The following SH3PXD2A variants were observed in gnomAD, a reference collection of about 807,000 sequenced individuals.
The protein encoded by SH3PXD2A is SH3 and PX domains 2A.
Under a neutral mutation model 115.2 loss-of-function variants are expected in SH3PXD2A, and 32 were observed. That is an observed-to-expected ratio of 0.28 (90% CI 0.21 to 0.37). The LOEUF is 0.37. SH3PXD2A is among the 10% of genes least tolerant of loss of function. SH3PXD2A has a pLI of 1.00. For synonymous variants in SH3PXD2A, 610 were observed against 629.1 expected, an observed-to-expected ratio of 0.97 and a Z score of 0.45; for missense variants, 1,328 against 1,498.7, an observed-to-expected ratio of 0.89 and a Z score of 1.88.
In SH3PXD2A at chr10:103,603,573, G is replaced by T. The variant is rs751523064; in HGVS notation, c.1645C>A (p.Arg549=). The change falls in exon 15 of 15, where the codon CGG becomes AGG. Residue 549 remains arginine (R), a synonymous_variant. Transcript: ENST00000369774. The stretch of plus-strand genomic sequence containing the variant: ...TCAGGCTCCTCATACTTGAGCTTCC[G>T]CGGGGAGTCCTGGCTCTCACTGGCC... The part of the protein sequence containing the change: ...TGASESQDSP[R]KLKYEEPEYD... The T allele has an allele frequency of 6.2e-7, 1 of 1,611,060 alleles. No homozygotes were observed. The highest frequency in any genetic ancestry group is 2.2e-5 in the East Asian group (1 of 44,864).
At chr10:103,703,169 C>T (rs1219890653) in intron 5 of SH3PXD2A, among the ~76,000 whole-genome samples, 2 of 152,160 alleles carry the variant, frequency 1.3e-5, no homozygotes, top group Admixed American at 6.5e-5. Flanking sequence ...AAAGAGGACT[C>T]GGAGGGCCCC....
chr10:103,712,011 G>A (rs2038052495), intron 5 of SH3PXD2A, among the ~76,000 whole-genome samples: 1 of 151,694 alleles, frequency 6.6e-6, no homozygotes, highest in African/African-American at 2.4e-5. Flanking sequence ...GTGCCACTGA[G>A]CTCCAGCCTG....
chr10:103,689,869 T>C (rs1182871756), intron 6 of SH3PXD2A, among the ~76,000 whole-genome samples: 1 of 152,148 alleles, frequency 6.6e-6, no homozygotes, highest in Non-Finnish European at 1.5e-5. Flanking sequence ...CTGAGAACTT[T>C]CTTCTTCTGT....
chr10:103,701,635 C>T (rs2037908005), intron 5 of SH3PXD2A, among the ~76,000 whole-genome samples: 1 of 151,008 alleles, frequency 6.6e-6, no homozygotes, highest in African/African-American at 2.4e-5. Context: ...ATCCACCATC[C>T]ATCCATCATC....
intron 5 of SH3PXD2A, among the ~76,000 whole-genome samples, chr10:103,718,218 T>C (rs1189864029): frequency 6.6e-6 from 1 of 152,034 alleles, no homozygotes; most frequent in African/African-American, 2.4e-5. Context: ...GGTCTCACTA[T>C]GTTGCTCAGG....
intron 3 of SH3PXD2A, among the ~76,000 whole-genome samples, chr10:103,763,748 C>T (rs2038724857): frequency 6.6e-6 from 1 of 152,216 alleles, no homozygotes; most frequent in Admixed American, 6.5e-5. Flanking sequence ...CAGATGCATG[C>T]CCCCGGCCAT....
chr10:103,720,284 G>A (rs1369172997), intron 5 of SH3PXD2A, among the ~76,000 whole-genome samples: 1 of 152,226 alleles, frequency 6.6e-6, no homozygotes, highest in Non-Finnish European at 1.5e-5. Flanking sequence ...CACCATGGCT[G>A]CTCTGTGCCA....
chr10:103,679,956 A>G (rs1032088577), intron 6 of SH3PXD2A, among the ~76,000 whole-genome samples: 1 of 152,150 alleles, frequency 6.6e-6, no homozygotes, highest in African/African-American at 2.4e-5. Flanking sequence ...AGAGATGGCC[A>G]GCTCTGCCTT....
chr10:103,732,885 C>T (rs111388163), intron 4 of SH3PXD2A, among the ~76,000 whole-genome samples: 8 of 152,274 alleles, frequency 5.3e-5, no homozygotes, highest in African/African-American at 9.6e-5. Flanking sequence ...TGGCTGGGGT[C>T]GGCCGGTGAT....
At chr10:103,785,017 C>G (rs1219112881) in intron 2 of SH3PXD2A, among the ~76,000 whole-genome samples, 1 of 152,208 alleles carries the variant, frequency 6.6e-6, no homozygotes, top group African/African-American at 2.4e-5. Flanking sequence ...TTAGCAGGTG[C>G]TCAACAAATG....
At chr10:103,608,301 A>G (rs4917397) in intron 13 of SH3PXD2A, among the ~76,000 whole-genome samples, 1 of 149,948 alleles carries the variant, frequency 6.7e-6, no homozygotes, top group East Asian at 2.0e-4. Context: ...CCAGGGAACG[A>G]GGCCCTGTCG....
chr10:103,668,756 TCGGCCAGCCGCGGG>T, intron 6 of SH3PXD2A, 104 bp from the exon 7 acceptor site: 2 of 1,042,262 alleles, frequency 1.9e-6, no homozygotes, highest in Non-Finnish European at 2.9e-6. Flanking sequence ...GGCGCCGCGC[TCGGCCAGCCGCGGG>T]CGGAAGGCGG....
intron 2 of SH3PXD2A, among the ~76,000 whole-genome samples, chr10:103,778,319 G>C (rs573189838): frequency 6.6e-6 from 1 of 152,154 alleles, no homozygotes. Context: ...GCGATAGAGC[G>C]AGACTCCGTC....
intron 2 of SH3PXD2A, among the ~76,000 whole-genome samples, chr10:103,795,443 G>C (rs530566122): frequency 3.3e-5 from 5 of 152,158 alleles, no homozygotes; most frequent in African/African-American, 1.2e-4. Flanking sequence ...TTCAGGCAGG[G>C]TATGGATAAC....
chr10:103,821,411 G>A (rs1385376049), intron 1 of SH3PXD2A, among the ~76,000 whole-genome samples: 1 of 152,118 alleles, frequency 6.6e-6, no homozygotes, highest in Non-Finnish European at 1.5e-5. Context: ...TTACAGGCGT[G>A]AGCCACCACA....
At chr10:103,812,056 C>G (rs2039276325) in intron 1 of SH3PXD2A, among the ~76,000 whole-genome samples, 1 of 152,254 alleles carries the variant, frequency 6.6e-6, no homozygotes, top group African/African-American at 2.4e-5. Flanking sequence ...AGTGCTGGGC[C>G]TGGCAAGAGC....
At chr10:103,781,572 T>C (rs2038931826) in intron 2 of SH3PXD2A, among the ~76,000 whole-genome samples, 1 of 152,222 alleles carries the variant, frequency 6.6e-6, no homozygotes, top group Non-Finnish European at 1.5e-5. Context: ...TCAAGGTCTA[T>C]TGAAACAAAC....
At chr10:103,766,877 G>A (rs745414500) in intron 3 of SH3PXD2A, among the ~76,000 whole-genome samples, 6 of 152,246 alleles carry the variant, frequency 3.9e-5, no homozygotes, top group Non-Finnish European at 8.8e-5. Context: ...CAGGCCAGGA[G>A]CCAGCAGAGA....
At chr10:103,704,128 G>A (rs1164149280) in intron 5 of SH3PXD2A, among the ~76,000 whole-genome samples, 1 of 152,156 alleles carries the variant, frequency 6.6e-6, no homozygotes, top group African/African-American at 2.4e-5. Context: ...TGCCAGCACT[G>A]GTTCACCCTC....
Sources: gnomAD v4.1 joint callset for allele counts (sites outside exome capture counted in the v4.1 genomes callset) on GRCh38, gnomAD v4.1.1 for gene constraint, MANE v1.5 for transcripts, NCBI Gene and HGNC (gene_info 2026-07-23, HGNC 2026-07-21) for gene names.